The following MKRN2 variants were observed in gnomAD, a reference collection of about 807,000 sequenced individuals.
MKRN2 encodes the protein E3 ubiquitin-protein ligase makorin-2.
MKRN2 carries 32 observed loss-of-function variants against 45.4 expected under a neutral mutation model. The observed-to-expected ratio is 0.70, with a 90% confidence interval of 0.53 to 0.95. The LOEUF (loss-of-function observed/expected upper bound fraction) is 0.95, where lower values mean the gene tolerates loss of function less well. Ranked by LOEUF, MKRN2 falls within the 40% of genes least tolerant of loss-of-function variation. The pLI, the probability that MKRN2 is intolerant of heterozygous loss-of-function variation, is 0.00. For synonymous variants in MKRN2, 206 were observed against 192.4 expected, an observed-to-expected ratio of 1.07 and a Z score of -0.59; for missense variants, 526 against 536.7, an observed-to-expected ratio of 0.98 and a Z score of 0.20.
intron 1 of MKRN2, among the ~76,000 whole-genome samples, chr3:12,566,704 G>A (rs1026287314): frequency 6.6e-6 from 1 of 152,196 alleles, no homozygotes; most frequent in South Asian, 2.1e-4. Flanking sequence ...CAGGGTTCAG[G>A]TGATTCTCCT....
chr3:12,572,054 G>A lies in MKRN2; in HGVS notation c.338-15G>A, dbSNP rs770832357. The A allele has an allele frequency of 6.3e-7, 1 of 1,580,026 alleles. No homozygotes were observed. The highest frequency in any genetic ancestry group is 1.2e-5 in the South Asian group (1 of 85,840). On this transcript the variant is annotated splice_polypyrimidine_tract_variant and intron_variant, in intron 3 of 7. Coordinates refer to ENST00000170447, the MANE Select transcript of MKRN2 (RefSeq NM_014160.5). ...GGCCATTTTCATGTGCATGTGTGCT[G>A]TGTGTTGTTTTCAGATCTCTCTGGC...
In MKRN2 at chr3:12,574,989, T is replaced by G; in HGVS notation, c.840T>G (p.Phe280Leu). Residue 280 changes from phenylalanine to leucine, a missense_variant, in exon 5 of 8, where the codon TTT becomes TTG. Phe to Leu is a conservative substitution (Grantham distance 22). Coordinates refer to ENST00000170447, the MANE Select transcript of MKRN2 (RefSeq NM_014160.5). ...CIRQWRCAKQ[F>L]ENPIIKSCPE... ...GGCAGTGGCGGTGTGCCAAACAGTT[T>G]GAAAACCCAATCATTAAGTAAGTAC... is the stretch of plus-strand genomic sequence containing the variant. 2 of 1,614,124 alleles carry G rather than the reference T, an allele frequency of 1.2e-6. No individual in the cohort carries two copies. The highest frequency in any genetic ancestry group is 2.2e-5 in the East Asian group (1 of 44,882).
In MKRN2 at chr3:12,581,920, C is replaced by T. The variant is rs756056145; in HGVS notation, c.1081C>T (p.Arg361Trp). The change falls in exon 7 of 8, where the codon CGG becomes TGG. Residue 361 changes from arginine (R) to tryptophan (W), a missense_variant. By Grantham distance (101) the Arg-to-Trp change is moderately radical. Coordinates refer to ENST00000170447, the MANE Select transcript of MKRN2 (RefSeq NM_014160.5). ...DGRLAEPEKP[R>W]KQLSSQGTVR... ...GCGGCTAGCAGAGCCTGAGAAACCT[C>T]GGAAACAGCTCAGTTCTCAAGGCAC... The T allele has an allele frequency of 1.9e-6, 3 of 1,614,188 alleles. No homozygotes were observed. The highest frequency in any genetic ancestry group is 1.1e-5 in the South Asian group (1 of 91,080).
Position 12,557,191 on chromosome 3 carries a change from GC to G in MKRN2, c.26+17del. ...ATCACTTGCAGGTCAGTGCGCTGGAGCCAGGAGCTTCGGGCCGCTCCCCCAG... is the reference window on the plus strand; with the variant it reads ...ATCACTTGCAGGTCAGTGCGCTGGAGCAGGAGCTTCGGGCCGCTCCCCCAG... On this transcript the variant is annotated intron_variant, in intron 1 of 7. Coordinates refer to ENST00000170447, the MANE Select transcript of MKRN2 (RefSeq NM_014160.5). The G allele has an allele frequency of 6.5e-7, 1 of 1,534,788 alleles. No individual in the cohort carries two copies. The highest frequency in any genetic ancestry group is 2.5e-5 in the East Asian group (1 of 39,502).
At chr3:12,572,522 T>A (rs1223315864) in intron 4 of MKRN2, 149 bp downstream of exon 4, 1 of 637,860 alleles carries the variant, frequency 1.6e-6, no homozygotes, top group Non-Finnish European at 2.4e-6. Flanking sequence ...CCCCTGCCAG[T>A]AATACCCATA....
intron 4 of MKRN2, 94 bp downstream of exon 4, chr3:12,572,467 T>A: frequency 8.5e-7 from 1 of 1,174,994 alleles, no homozygotes; most frequent in South Asian, 1.9e-5. Flanking sequence ...TCAAGAAATC[T>A]GAAATGTACT....
chr3:12,562,269 C>T lies in MKRN2; in HGVS notation c.26+5093C>T, dbSNP rs558227604. Among the ~76,000 whole-genome samples, 403 of 152,264 alleles carry T rather than the reference C, an allele frequency of 2.6e-3. 1 individual carries two copies. Among genetic ancestry groups the T allele is most frequent in the Non-Finnish European group, 5.1e-3 (347 of 68,016 alleles). On this transcript the variant is annotated intron_variant, in intron 1 of 7. Transcript: ENST00000170447. ...ACATTGTACATCAGTTTAGACACAG[C>T]GAGACACTCTCCATCATTTAGGGAA...
intron 3 of MKRN2, 84 bp from the exon 4 acceptor site, chr3:12,571,985 G>A: frequency 7.3e-7 from 1 of 1,371,720 alleles, no homozygotes; most frequent in Middle Eastern, 2.6e-4. Flanking sequence ...GGTCAGAGTA[G>A]CTTAATATGT....
chr3:12,561,932 G>T (rs186708258), intron 1 of MKRN2, among the ~76,000 whole-genome samples: 85 of 152,214 alleles, frequency 5.6e-4, no homozygotes, highest in African/African-American at 1.9e-3. Flanking sequence ...CAAATCCAGA[G>T]ACTGTCTAGA....
intron 5 of MKRN2, 60 bp downstream of exon 5, chr3:12,575,066 A>C: frequency 6.6e-7 from 1 of 1,511,664 alleles, no homozygotes; most frequent in South Asian, 1.2e-5. Context: ...TTGAGACTTT[A>C]TTCCGTCCAC....
At chr3:12,581,546 C>A (rs1315566439) in intron 6 of MKRN2, among the ~76,000 whole-genome samples, 1 of 152,212 alleles carries the variant, frequency 6.6e-6, no homozygotes, top group Non-Finnish European at 1.5e-5. Flanking sequence ...AGTCTCCACA[C>A]AGCAAGTCCC....
chr3:12,566,411 G>A (rs2058069253), intron 1 of MKRN2, among the ~76,000 whole-genome samples: 1 of 151,970 alleles, frequency 6.6e-6, no homozygotes, highest in African/African-American at 2.4e-5. Context: ...TTTACAGTGA[G>A]AAGCCAAGAT....
At chr3:12,560,764 G>C (rs1397420708) in intron 1 of MKRN2, 1 of 152,310 alleles carries the variant, frequency 6.6e-6, no homozygotes, top group Non-Finnish European at 1.5e-5. Context: ...TACCTGCTCT[G>C]AGTCTCCAGC....
intron 1 of MKRN2, among the ~76,000 whole-genome samples, chr3:12,566,712 C>T (rs1324362262): frequency 6.6e-6 from 1 of 152,206 alleles, no homozygotes; most frequent in Non-Finnish European, 1.5e-5. Context: ...AGGTGATTCT[C>T]CTGCCTCAGC....
intron 4 of MKRN2, 102 bp from the exon 5 acceptor site, chr3:12,574,690 T>G (rs2058120029): frequency 1.8e-6 from 2 of 1,114,866 alleles, no homozygotes; most frequent in Non-Finnish European, 1.3e-6. Flanking sequence ...TCAGTGTTCC[T>G]TCCTGATCTC....
intron 1 of MKRN2, among the ~76,000 whole-genome samples, chr3:12,564,126 A>G (rs2125301181): frequency 6.6e-6 from 1 of 151,734 alleles, no homozygotes; most frequent in South Asian, 2.1e-4. Context: ...TTGTATTTTT[A>G]GTAGAGATGG....
chr3:12,562,510 A>G (rs1262253787), intron 1 of MKRN2, among the ~76,000 whole-genome samples: 2 of 152,208 alleles, frequency 1.3e-5, no homozygotes, highest in Admixed American at 6.5e-5. Context: ...TTTTTAAAAA[A>G]TAAAACTTTA....
At chr3:12,568,026 C>T (rs749542525) in intron 1 of MKRN2, among the ~76,000 whole-genome samples, 12 of 152,194 alleles carry the variant, frequency 7.9e-5, no homozygotes, top group Non-Finnish European at 1.8e-4. Context: ...TTAAAAACTA[C>T]AAGTACCCAT....
rs1008968094 is a variant in MKRN2 at position 12,570,554 on chromosome 3, G to T, written c.337+302G>T. On this transcript the variant is annotated intron_variant, in intron 3 of 7. Transcript: ENST00000170447. ...TCTTCATATGGTGGTTGTCCAGCTG[G>T]TGAGAAGCATCAAGCTCTTCATTTC... is the stretch of plus-strand genomic sequence containing the variant. Among the ~76,000 whole-genome samples the T allele has an allele frequency of 2.0e-5, 3 of 152,178 alleles. No homozygotes were observed. In the South Asian group the frequency reaches 6.2e-4, roughly 32 times the overall value.
Sources: gnomAD v4.1 joint callset for allele counts (sites outside exome capture counted in the v4.1 genomes callset) on GRCh38, gnomAD v4.1.1 for gene constraint, MANE v1.5 for transcripts, NCBI Gene and HGNC (gene_info 2026-07-23, HGNC 2026-07-21) for gene names.